Variants in ADAMTS2 observed in about 807,000 individuals in gnomAD.
ADAMTS2 encodes A disintegrin and metalloproteinase with thrombospondin motifs 2.
A neutral mutation model predicts 123.0 loss-of-function variants in ADAMTS2; 50 were observed. The observed-to-expected ratio is 0.41, with a 90% CI of 0.32 to 0.51. The LOEUF is 0.51. ADAMTS2 is among the 20% of genes least tolerant of loss of function. The pLI is 0.35. For synonymous variants in ADAMTS2, 678 were observed against 695.4 expected (o/e 0.98, Z 0.39); for missense variants, 1,494 against 1,705.2 (o/e 0.88, Z 2.18).
intron 2 of ADAMTS2, among the ~76,000 whole-genome samples, chr5:179,284,950 T>C (rs1029747692): frequency 2.6e-5 from 4 of 152,144 alleles, no homozygotes; most frequent in African/African-American, 7.2e-5. Flanking sequence ...TCGATTCAAA[T>C]GTTTACTTCA....
chr5:179,152,339 C>T (rs926457623), intron 9 of ADAMTS2, 84 bp from the exon 10 acceptor site: 1 of 1,294,458 alleles, frequency 7.7e-7, no homozygotes, highest in African/African-American at 1.5e-5. Context: ...GTTCTGGAAC[C>T]TGAGATGCCC....
At chr5:179,167,541 G>A (rs1036555268) in intron 5 of ADAMTS2, among the ~76,000 whole-genome samples, 3 of 152,142 alleles carry the variant, frequency 2.0e-5, no homozygotes, top group Non-Finnish European at 2.9e-5. Context: ...AGGAAACCGG[G>A]ATGGGGATCA....
At chr5:179,279,881 G>A (rs769615483) in intron 2 of ADAMTS2, among the ~76,000 whole-genome samples, 3 of 152,252 alleles carry the variant, frequency 2.0e-5, no homozygotes, top group Non-Finnish European at 2.9e-5. Flanking sequence ...GGACGCCAGC[G>A]GGCAGGAGCT....
chr5:179,269,105 C>T (rs560134367), intron 3 of ADAMTS2, among the ~76,000 whole-genome samples: 15 of 152,188 alleles, frequency 9.9e-5, no homozygotes, highest in South Asian at 4.2e-4. Context: ...GAGGAGGGGG[C>T]GACATGACCC....
chr5:179,126,262 A>C (rs1397358320), intron 17 of ADAMTS2, 132 bp from the exon 18 acceptor site: 1 of 1,340,590 alleles, frequency 7.5e-7, no homozygotes, highest in Non-Finnish European at 1.0e-6. Context: ...AAGGGTGGGC[A>C]GGGCACCGAG....
At chr5:179,156,374 T>TG (rs1763470742) in intron 6 of ADAMTS2, among the ~76,000 whole-genome samples, 1 of 151,298 alleles carries the variant, frequency 6.6e-6, no homozygotes, top group African/African-American at 2.4e-5. Context: ...TTTTTTTTTT[T>TG]TTTGAGATGG....
In ADAMTS2 at chr5:179,278,195, A is replaced by AAGGCTGACCCCCCCAG. The variant is rs1561677570; in HGVS notation, c.535-5132_535-5131insCTGGGGGGGTCAGCCT. On this transcript the variant is annotated intron_variant, in intron 2 of 21. Transcript: ENST00000251582. The stretch of plus-strand genomic sequence containing the variant: ...CCGAGACCAAAGGCTGACCCCCCCA[A>AAGGCTGACCCCCCCAG]GACCATCAGCTGACGTCCTGCCAAG... Among the ~76,000 whole-genome samples the AAGGCTGACCCCCCCAG allele has an allele frequency of 8.7e-5, 11 of 126,026 alleles. 1 individual carries two copies. Among genetic ancestry groups the AAGGCTGACCCCCCCAG allele is most frequent in the Non-Finnish European group, 1.5e-4 (9 of 60,164 alleles). 82.7% of individuals were successfully genotyped at this position (126,026 alleles called of 152,430 possible).
chr5:179,199,507 C>G (rs1408581754), intron 4 of ADAMTS2, among the ~76,000 whole-genome samples: 5 of 152,278 alleles, frequency 3.3e-5, no homozygotes, highest in African/African-American at 1.2e-4. Flanking sequence ...GAGCAGTGCA[C>G]CAGTAGGAAG....
intron 3 of ADAMTS2, among the ~76,000 whole-genome samples, chr5:179,247,019 A>C (rs764803579): frequency 5.9e-5 from 9 of 152,212 alleles, no homozygotes; most frequent in African/African-American, 1.2e-4. Flanking sequence ...TGGTCCACTC[A>C]CAGGAAATAA....
intron 3 of ADAMTS2, among the ~76,000 whole-genome samples, chr5:179,216,478 T>C (rs1406428111): frequency 6.7e-6 from 1 of 149,918 alleles, no homozygotes; most frequent in African/African-American, 2.5e-5. Context: ...GACGTACAGG[T>C]CAGCCCCCTC....
rs1374731675 is a variant in ADAMTS2, at chr5:179,121,722, G to A, written c.3117C>T (p.Ser1039=). 1.3e-6 allele frequency: 2 copies of A among 1,591,220 alleles called. No individual in the cohort carries two copies. Among genetic ancestry groups the A allele is most frequent in the Admixed American group, 3.5e-5 (2 of 57,516 alleles). Residue 1039 remains serine, a synonymous_variant, in exon 21 of 22, where the codon AGC becomes AGT. Transcript: ENST00000251582. The stretch of plus-strand genomic sequence containing the variant: ...GGCGGGACAGCCACTGAACTACGTA[G>A]CTCTTCTTGGAGGGATCTGAGATGT... The part of the protein sequence containing the change: ...PRNISDPSKK[S]YVVQWLSRPD...
At chr5:179,335,394 C>A (rs1757589594) in intron 2 of ADAMTS2, among the ~76,000 whole-genome samples, 1 of 152,138 alleles carries the variant, frequency 6.6e-6, no homozygotes, top group African/African-American at 2.4e-5. Flanking sequence ...CTCAGGGTAC[C>A]TCTCAATTCA....
chr5:179,194,309 C>T (rs1418592014), intron 4 of ADAMTS2, among the ~76,000 whole-genome samples: 1 of 152,190 alleles, frequency 6.6e-6, no homozygotes, highest in Admixed American at 6.5e-5. Flanking sequence ...GGTCTGTCGG[C>T]CTCCCCAGCC....
In ADAMTS2 at chr5:179,190,819, C is replaced by T. The variant is rs564901243; in HGVS notation, c.892-9664G>A. ...TGCACAGAATGGTCCACCTGGGCTT[C>T]GCCCTTACACCCACCCTGGCTCTCC... On this transcript the variant is annotated intron_variant, in intron 4 of 21. Transcript: ENST00000251582. 1.2e-4 allele frequency among the ~76,000 whole-genome samples: 18 copies of T among 152,260 alleles called. No homozygotes were observed. In the South Asian group the frequency reaches 1.4e-3, roughly 12 times the overall value.
At chr5:179,315,401 G>T (rs1561732371) in intron 2 of ADAMTS2, among the ~76,000 whole-genome samples, 1 of 129,808 alleles carries the variant, frequency 7.7e-6, no homozygotes. Context: ...CCCAAAGGGG[G>T]TTTGTTTCCC....
intron 18 of ADAMTS2, 90 bp downstream of exon 18, chr5:179,125,908 C>CA (rs1486178026): frequency 6.4e-7 from 1 of 1,561,244 alleles, no homozygotes; most frequent in Non-Finnish European, 8.7e-7. Flanking sequence ...CGGATGATGC[C>CA]AGGCCCAGGC....
intron 10 of ADAMTS2, among the ~76,000 whole-genome samples, chr5:179,144,810 T>C (rs1763226486): frequency 2.6e-5 from 4 of 152,224 alleles, no homozygotes. Context: ...GGAGTAAATC[T>C]TCTTGACCTA....
intron 4 of ADAMTS2, among the ~76,000 whole-genome samples, chr5:179,200,791 T>C (rs1286993484): frequency 2.8e-4 from 43 of 152,112 alleles, no homozygotes; most frequent in Admixed American, 2.8e-3. Context: ...CACAAAAATG[T>C]AGGACATCAA....
At chr5:179,275,514 T>TGGG (rs1355432083) in intron 2 of ADAMTS2, among the ~76,000 whole-genome samples, 1 of 152,158 alleles carries the variant, frequency 6.6e-6, no homozygotes, top group Non-Finnish European at 1.5e-5. Flanking sequence ...TGGGGCTGGC[T>TGGG]GGGCCCTGAA....
Sources: gnomAD v4.1 joint callset for allele counts (sites outside exome capture counted in the v4.1 genomes callset) on GRCh38, gnomAD v4.1.1 for gene constraint, MANE v1.5 for transcripts, NCBI Gene and HGNC (gene_info 2026-07-23, HGNC 2026-07-21) for gene names.